EPB41L4A: variants seen among roughly 807,000 people sequenced by gnomAD.
EPB41L4A encodes the protein band 4.1-like protein 4A.
Under a neutral mutation model 108.6 loss-of-function variants are expected in EPB41L4A, and 100 were observed. The ratio of observed to expected loss-of-function variants is 0.92; its 90% confidence interval spans 0.78 to 1.09. The LOEUF (loss-of-function observed/expected upper bound fraction) is 1.09, where lower values mean the gene tolerates loss of function less well. Among genes scored for constraint, EPB41L4A ranks in the 50% least tolerant of loss-of-function variants. The pLI is 0.00. For synonymous variants in EPB41L4A, 319 were observed against 289.0 expected, an observed-to-expected ratio of 1.10 and a Z score of -1.05; for missense variants, 1,030 against 842.7, an observed-to-expected ratio of 1.22 and a Z score of -2.75.
intron 1 of EPB41L4A, among the ~76,000 whole-genome samples, chr5:112,394,579 T>A (rs1005759719): frequency 6.6e-6 from 1 of 152,018 alleles, no homozygotes; most frequent in Non-Finnish European, 1.5e-5. Context: ...CACTGCTCAA[T>A]GAAATAAAAG....
intron 1 of EPB41L4A, among the ~76,000 whole-genome samples, chr5:112,368,565 T>C (rs993745623): frequency 1.3e-5 from 2 of 152,150 alleles, no homozygotes; most frequent in African/African-American, 4.8e-5. Context: ...TCTGCATCTC[T>C]AATTCCAGAC....
chr5:112,248,236 A>T (rs1750385068), intron 9 of EPB41L4A, among the ~76,000 whole-genome samples: 1 of 152,198 alleles, frequency 6.6e-6, no homozygotes, highest in Non-Finnish European at 1.5e-5. Flanking sequence ...TGCTGGCATG[A>T]ATTCCACTGC....
intron 1 of EPB41L4A, among the ~76,000 whole-genome samples, chr5:112,344,287 T>C (rs1561589854): frequency 6.6e-6 from 1 of 152,242 alleles, no homozygotes; most frequent in Admixed American, 6.5e-5. Context: ...CATCTACATG[T>C]GGCTCAAGTC....
At chr5:112,186,597 C>T (rs761177508) in intron 17 of EPB41L4A, among the ~76,000 whole-genome samples, 5 of 152,166 alleles carry the variant, frequency 3.3e-5, no homozygotes, top group Admixed American at 6.5e-5. Flanking sequence ...CCTCTACTGG[C>T]GATGCTGTTT....
At position 112,179,274 on chromosome 5, in the gene EPB41L4A, A is replaced by G. The variant is rs114403570; in HGVS notation, c.1622+4742T>C. Among the ~76,000 whole-genome samples the G allele has an allele frequency of 4.9e-3, 744 of 152,210 alleles. 5 individuals carry two copies. The highest frequency in any genetic ancestry group is 0.017 in the African/African-American group (705 of 41,560). ...CTGGTGAATTCTATATTTAAGGAAG[A>G]AAAAAATGCTTTTATATTAACTCAT... On this transcript the variant is annotated intron_variant, in intron 18 of 22. Transcript: ENST00000261486.
intron 9 of EPB41L4A, 92 bp downstream of exon 9, chr5:112,259,137 G>A: frequency 1.0e-6 from 1 of 995,996 alleles, no homozygotes; most frequent in Admixed American, 1.9e-5. Flanking sequence ...GGAAGCAGCT[G>A]AAGAAAACAT....
rs80190358 is a variant in EPB41L4A at position 112,302,840 on chromosome 5, C to T, written c.204+4546G>A. On this transcript the variant is annotated intron_variant, in intron 2 of 22. Transcript: ENST00000261486. ...TTCGTCAGCAGGAAACTTAGACCTT[C>T]GGTGCTATGGGGCCCCCTATAGATG... 4.4e-3 allele frequency among the ~76,000 whole-genome samples: 673 copies of T among 152,284 alleles called. 9 individuals carry two copies. Among genetic ancestry groups the T allele is most frequent in the African/African-American group, 0.016 (650 of 41,566 alleles).
At chr5:112,239,567 A>T in intron 11 of EPB41L4A, 93 bp downstream of exon 11, 2 of 760,978 alleles carry the variant, frequency 2.6e-6, no homozygotes, top group Non-Finnish European at 2.0e-6. Context: ...AAAAAAGAAA[A>T]AAATAAATAA....
intron 12 of EPB41L4A, among the ~76,000 whole-genome samples, chr5:112,154,095 G>C (rs1418929210): frequency 6.6e-6 from 1 of 152,174 alleles, no homozygotes; most frequent in Non-Finnish European, 1.5e-5. Flanking sequence ...AGTATTAGAA[G>C]AGGTAAAATT....
At chr5:112,378,193 T>G (rs1484085010) in intron 1 of EPB41L4A, among the ~76,000 whole-genome samples, 3 of 151,432 alleles carry the variant, frequency 2.0e-5, no homozygotes, top group Admixed American at 2.0e-4. Flanking sequence ...CTGATACTCC[T>G]GGTATTTCCC....
intron 1 of EPB41L4A, among the ~76,000 whole-genome samples, chr5:112,328,434 T>C (rs1258916871): frequency 1.3e-5 from 2 of 152,228 alleles, no homozygotes; most frequent in Non-Finnish European, 2.9e-5. Context: ...AAGGGATGTA[T>C]ATCTGATAAC....
intron 2 of EPB41L4A, among the ~76,000 whole-genome samples, chr5:112,304,321 G>A (rs1303765750): frequency 6.6e-6 from 1 of 152,128 alleles, no homozygotes; most frequent in Non-Finnish European, 1.5e-5. Context: ...AGGAGCCTCA[G>A]GTGCTAACAT....
chr5:112,372,673 T>C (rs1759565824), intron 1 of EPB41L4A, among the ~76,000 whole-genome samples: 1 of 152,136 alleles, frequency 6.6e-6, no homozygotes, highest in Admixed American at 6.5e-5. Flanking sequence ...AACCAGATAA[T>C]ACCTTACAGG....
intron 1 of EPB41L4A, among the ~76,000 whole-genome samples, chr5:112,318,907 C>T (rs535257894): frequency 1.3e-5 from 2 of 152,316 alleles, no homozygotes; most frequent in South Asian, 4.1e-4. Context: ...ATTTCATACT[C>T]CCCTTCAATC....
intron 1 of EPB41L4A, among the ~76,000 whole-genome samples, chr5:112,395,623 T>C (rs984085350): frequency 2.0e-5 from 3 of 152,168 alleles, no homozygotes; most frequent in East Asian, 1.9e-4. Flanking sequence ...TGTGGAGAAA[T>C]AGGAACACTT....
intron 15 of EPB41L4A, among the ~76,000 whole-genome samples, chr5:112,201,380 C>T (rs78710330): frequency 0.033 from 4,957 of 152,194 alleles, 306 homozygotes; most frequent in African/African-American, 0.11. Context: ...AGGAAGCCAG[C>T]GGAAAATGAA....
At chr5:112,377,992 T>A (rs1000730310) in intron 1 of EPB41L4A, among the ~76,000 whole-genome samples, 3 of 152,206 alleles carry the variant, frequency 2.0e-5, no homozygotes, top group African/African-American at 7.2e-5. Flanking sequence ...TGGACAACTC[T>A]GAATGCATAA....
rs868360573 is a variant in EPB41L4A at position 112,291,315 on chromosome 5, A to G, written c.205-10992T>C. Among the ~76,000 whole-genome samples the G allele has an allele frequency of 2.0e-5, 3 of 152,274 alleles. No individual in the cohort carries two copies. In the East Asian group the frequency reaches 5.8e-4, roughly 29 times the overall value. On this transcript the variant is annotated intron_variant, in intron 2 of 22. Coordinates refer to ENST00000261486, the MANE Select transcript of EPB41L4A (RefSeq NM_022140.5). ...AACACCTCGCATCTGTCTCTGCCTT[A>G]AGGCCCCCATGCCAGCTGTTCCTCC...
chr5:112,323,730 T>G (rs184639525), intron 1 of EPB41L4A, among the ~76,000 whole-genome samples: 37 of 152,326 alleles, frequency 2.4e-4, no homozygotes, highest in African/African-American at 7.2e-4. Context: ...CTTACCACAG[T>G]AAGCAATAAA....
Sources: allele counts gnomAD v4.1 joint callset (sites outside exome capture counted in the v4.1 genomes callset), GRCh38; gene constraint gnomAD v4.1.1; transcripts MANE v1.5; gene names NCBI Gene and HGNC (gene_info 2026-07-23, HGNC 2026-07-21).